The following WDR36 variants were observed in gnomAD, a reference collection of about 807,000 sequenced individuals.
WDR36 encodes the protein WD repeat-containing protein 36.
A neutral mutation model predicts 112.7 loss-of-function variants in WDR36; 63 were observed. The observed-to-expected ratio is 0.56, with a 90% CI of 0.46 to 0.69. The LOEUF (loss-of-function observed/expected upper bound fraction) is 0.69, where lower values mean the gene tolerates loss of function less well. WDR36 is among the 30% of genes least tolerant of loss of function. WDR36 has a pLI of 0.00. For synonymous variants in WDR36, 410 were observed against 362.2 expected, an observed-to-expected ratio of 1.13 and a Z score of -1.50; for missense variants, 1,226 against 1,070.3, an observed-to-expected ratio of 1.15 and a Z score of -2.03.
intron 6 of WDR36, 53 bp from the exon 7 acceptor site, chr5:111,103,733 T>C (rs987919397): frequency 1.2e-6 from 2 of 1,603,588 alleles, no homozygotes; most frequent in African/African-American, 2.7e-5. Context: ...TCATCAGGAT[T>C]ATTAAAGCTA....
chr5:111,100,216 G>A (rs1753094674), intron 4 of WDR36, among the ~76,000 whole-genome samples: 1 of 151,870 alleles, frequency 6.6e-6, no homozygotes, highest in Non-Finnish European at 1.5e-5. Flanking sequence ...CTAAGTATAA[G>A]CACTTCACTT....
chr5:111,123,761 G>T, intron 19 of WDR36, 44 bp from the exon 20 acceptor site: 1 of 1,606,928 alleles, frequency 6.2e-7, no homozygotes, highest in South Asian at 1.1e-5. Flanking sequence ...AGAAACTGTT[G>T]GCAAGATAAT....
chr5:111,096,935 A>G (rs1013777333), intron 2 of WDR36, 144 bp from the exon 3 acceptor site: 1 of 609,252 alleles, frequency 1.6e-6, no homozygotes, highest in Non-Finnish European at 2.8e-6. Flanking sequence ...ATTTTAGTTA[A>G]AATTTTATAC....
At chr5:111,121,569 A>G (rs929624632) in intron 19 of WDR36, among the ~76,000 whole-genome samples, 1 of 152,068 alleles carries the variant, frequency 6.6e-6, no homozygotes, top group African/African-American at 2.4e-5. Context: ...CTCACACCAC[A>G]CCCTGTCAAC....
chr5:111,120,146 T>C (rs1363230944), intron 17 of WDR36, among the ~76,000 whole-genome samples: 1 of 152,160 alleles, frequency 6.6e-6, no homozygotes, highest in African/African-American at 2.4e-5. Flanking sequence ...ATTCGCACTC[T>C]GACTTACTCT....
At chr5:111,106,783 A>C (rs1165907248) in intron 11 of WDR36, among the ~76,000 whole-genome samples, 5 of 151,388 alleles carry the variant, frequency 3.3e-5, no homozygotes. Flanking sequence ...ATGACTTTCA[A>C]GACCCTTTGT....
chr5:111,093,528 T>G (rs1324872912), intron 1 of WDR36, among the ~76,000 whole-genome samples: 1 of 152,216 alleles, frequency 6.6e-6, no homozygotes, highest in African/African-American at 2.4e-5. Context: ...GCAATTGGGT[T>G]TCTCAGAGTC....
intron 1 of WDR36, 109 bp downstream of exon 1, chr5:111,092,727 T>C: frequency 7.9e-7 from 1 of 1,266,692 alleles, no homozygotes; most frequent in Non-Finnish European, 1.1e-6. Flanking sequence ...GCTTCCCTTC[T>C]TTAACCCCTC....
At chr5:111,118,279 C>A (rs10491423) in intron 16 of WDR36, among the ~76,000 whole-genome samples, 39,242 of 151,994 alleles carry the variant, frequency 0.26, 6,003 homozygotes, top group Middle Eastern at 0.43. Context: ...GCTTTCTCTA[C>A]TAGACACCAA....
Position 111,119,090 on chromosome 5 carries a change from C to A in WDR36, c.1874C>A (p.Ser625Tyr), listed in dbSNP as rs768209000. The A allele has an allele frequency of 3.1e-6, 5 of 1,613,370 alleles. No homozygotes were observed. Among genetic ancestry groups the A allele is most frequent in the African/African-American group, 2.7e-5 (2 of 75,004 alleles). ...CCTACTGGAGACTTTCTGGCAACTT[C>A]CCATGTGGACCACCTTGGAATTTAT... ...MSPTGDFLAT[S>Y]HVDHLGIYLW... Residue 625 changes from serine (S) to tyrosine (Y), a missense_variant, in exon 17 of 23, where the codon TCC becomes TAC. Transcript: ENST00000513710.
In WDR36 at chr5:111,123,847, G is replaced by T. The variant is rs1260974236; in HGVS notation, c.2191G>T (p.Ala731Ser). ...GGAACCACCCAAAGTACCCAAATCA[G>T]CACCATTTTTCATTCCAACAATTCC... Reference protein sequence around the residue: ...PKEPPKVPKSAPFFIPTIPGL... With the variant: ...PKEPPKVPKSSPFFIPTIPGL... The change falls in exon 20 of 23, where the codon GCA becomes TCA. Residue 731 changes from alanine to serine, a missense_variant. Ala to Ser is a moderately conservative substitution (Grantham distance 99). Coordinates refer to ENST00000513710, the MANE Select transcript of WDR36 (RefSeq NM_139281.3). The T allele has an allele frequency of 1.7e-5, 27 of 1,613,668 alleles. No homozygotes were observed. Among genetic ancestry groups the T allele is most frequent in the Non-Finnish European group, 1.9e-5 (23 of 1,179,886 alleles).
chr5:111,121,834 G>A (rs1298310214), intron 19 of WDR36, among the ~76,000 whole-genome samples: 1 of 152,054 alleles, frequency 6.6e-6, no homozygotes, highest in Non-Finnish European at 1.5e-5. Flanking sequence ...AAAATTTCAG[G>A]TTACCTTTTG....
chr5:111,093,362 C>T (rs778997514), intron 1 of WDR36, among the ~76,000 whole-genome samples: 2 of 152,180 alleles, frequency 1.3e-5, no homozygotes, highest in Non-Finnish European at 2.9e-5. Context: ...TGATAATAGT[C>T]AGTGTTAATT....
At chr5:111,097,049 C>G (rs1465840742) in intron 2 of WDR36, 30 bp from the exon 3 acceptor site, 1 of 1,539,782 alleles carries the variant, frequency 6.5e-7, no homozygotes, top group East Asian at 2.3e-5. Flanking sequence ...TTAAAAATCC[C>G]TGTTTCTTTC....
intron 17 of WDR36, among the ~76,000 whole-genome samples, chr5:111,119,974 G>A (rs949138712): frequency 6.6e-6 from 1 of 152,032 alleles, no homozygotes; most frequent in African/African-American, 2.4e-5. Context: ...TTCATAAGGT[G>A]TGGGAAAAAG....
At position 111,128,481 on chromosome 5, in the gene WDR36, C is replaced by T. The variant is rs1033318342; in HGVS notation, c.*1598C>T. On this transcript the variant is annotated 3_prime_UTR_variant, in exon 23 of 23. Coordinates refer to ENST00000513710, the MANE Select transcript of WDR36 (RefSeq NM_139281.3). ...AAGTTCTAATTTAAAAAACTATTTT[C>T]CTCTTTCCTAAATACTATATTCTAA... 2.2e-5 allele frequency: 4 copies of T among 180,100 alleles called. No individual in the cohort carries two copies. Among genetic ancestry groups the T allele is most frequent in the African/African-American group, 9.4e-5 (4 of 42,456 alleles). 11.2% of individuals were successfully genotyped at this position (180,100 alleles called of 1,614,324 possible). A position where few individuals can be genotyped will look rare whatever the true frequency, so the allele number is the denominator to read the frequency against.
At chr5:111,100,041 C>A (rs575792884) in intron 4 of WDR36, among the ~76,000 whole-genome samples, 1 of 151,306 alleles carries the variant, frequency 6.6e-6, no homozygotes. Flanking sequence ...TGCCACCCCC[C>A]ACTCCACAGG....
In WDR36 at chr5:111,104,767, T is replaced by C. The variant is rs756934302; in HGVS notation, c.977T>C (p.Leu326Pro). 49 of 1,611,320 alleles carry C rather than the reference T, an allele frequency of 3.0e-5. No homozygotes were observed. Among genetic ancestry groups the C allele is most frequent in the African/African-American group, 8.0e-5 (6 of 74,770 alleles). ...LRFRMGHSAP[L>P]TNIRYYGQNG... ...TTCAGAATGGGTCATAGTGCTCCTC[T>C]TACCAATATCAGATATTATGGACAG... The change falls in exon 9 of 23, where the codon CTT (leucine) becomes CCT (proline). Residue 326 changes from leucine to proline, a missense_variant. Transcript: ENST00000513710.
intron 1 of WDR36, among the ~76,000 whole-genome samples, chr5:111,094,373 A>G (rs1752932731): frequency 6.6e-6 from 1 of 152,230 alleles, no homozygotes; most frequent in African/African-American, 2.4e-5. Flanking sequence ...CAGCTGGATC[A>G]GTAGCCATGA....
Sources: gnomAD v4.1 joint callset for allele counts (sites outside exome capture counted in the v4.1 genomes callset) on GRCh38, gnomAD v4.1.1 for gene constraint, MANE v1.5 for transcripts, NCBI Gene and HGNC (gene_info 2026-07-23, HGNC 2026-07-21) for gene names.